SATB2: variants seen among roughly 807,000 people sequenced by gnomAD.
The protein encoded by SATB2 is DNA-binding protein SATB2.
In SATB2, 1 loss-of-function variant was observed where a neutral mutation model predicts 73.4. That is an observed-to-expected ratio of 0.01 (90% CI 0.00 to 0.06). The LOEUF (loss-of-function observed/expected upper bound fraction) is 0.06. Among genes scored for constraint, SATB2 ranks in the 10% least tolerant of loss-of-function variants. The pLI is 1.00. For missense variants in SATB2, 459 were observed against 945.8 expected (o/e 0.49, Z 6.75); for synonymous variants, 397 against 367.0 (o/e 1.08, Z -0.93).
At chr2:199,374,652 T>C (rs900425368) in intron 5 of SATB2, among the ~76,000 whole-genome samples, 5 of 152,216 alleles carry the variant, frequency 3.3e-5, no homozygotes, top group African/African-American at 1.2e-4. Flanking sequence ...TGCATGCACT[T>C]GCAAATTGTT....
intron 2 of SATB2, among the ~76,000 whole-genome samples, chr2:199,453,996 T>C (rs1251071983): frequency 6.6e-6 from 1 of 152,086 alleles, no homozygotes; most frequent in Non-Finnish European, 1.5e-5. Context: ...AGGCAGCTGG[T>C]TGAAACAAAT....
At chr2:199,300,522 T>C (rs569150728) in intron 10 of SATB2, among the ~76,000 whole-genome samples, 11 of 152,178 alleles carry the variant, frequency 7.2e-5, no homozygotes, top group African/African-American at 2.4e-4. Context: ...ATCTCAATAT[T>C]CTATTAAAAT....
chr2:199,295,626 A>G (rs904219908), intron 10 of SATB2, among the ~76,000 whole-genome samples: 2 of 152,192 alleles, frequency 1.3e-5, no homozygotes, highest in African/African-American at 4.8e-5. Flanking sequence ...CTCCTCTGAC[A>G]AGCCACATAC....
rs115941317 is a variant in SATB2, at chr2:199,307,785, G to C, written c.1740+975C>G. Among the ~76,000 whole-genome samples, 368 of 152,248 alleles carry C rather than the reference G, an allele frequency of 2.4e-3. 5 individuals carry two copies. Among genetic ancestry groups the C allele is most frequent in the African/African-American group, 8.4e-3 (351 of 41,546 alleles). Reference sequence around the variant, plus strand: ...GAAAGGAGACAGAAACCTCAGGTTGGGGTGTTTCACTGCATCCCTCACCAC... The same window carrying C: ...GAAAGGAGACAGAAACCTCAGGTTGCGGTGTTTCACTGCATCCCTCACCAC... On this transcript the variant is annotated intron_variant, in intron 10 of 10. Transcript: ENST00000417098.
intron 3 of SATB2, among the ~76,000 whole-genome samples, chr2:199,417,827 C>T (rs984155117): frequency 6.6e-6 from 1 of 152,000 alleles, no homozygotes; most frequent in Non-Finnish European, 1.5e-5. Context: ...AACAACTTAT[C>T]CACAAAAAAG....
chr2:199,434,838 T>C (rs1480272834), intron 2 of SATB2, among the ~76,000 whole-genome samples: 1 of 152,164 alleles, frequency 6.6e-6, no homozygotes, highest in African/African-American at 2.4e-5. Flanking sequence ...TGGGAGCAGA[T>C]ACTCTGCAAA....
At chr2:199,357,511 A>G (rs1032784997) in intron 6 of SATB2, among the ~76,000 whole-genome samples, 4 of 152,148 alleles carry the variant, frequency 2.6e-5, no homozygotes, top group African/African-American at 9.7e-5. Context: ...AAACTCCATC[A>G]ATATATTTGC....
intron 9 of SATB2, among the ~76,000 whole-genome samples, chr2:199,315,951 G>A (rs927390380): frequency 2.6e-5 from 4 of 152,028 alleles, no homozygotes; most frequent in African/African-American, 7.3e-5. Context: ...AGTTCTTCAG[G>A]AGAATGACTC....
upstream of SATB2, chr2:199,459,729 C>G (rs1692427009): frequency 6.6e-6 from 1 of 152,670 alleles, no homozygotes; most frequent in Admixed American, 6.5e-5. The surrounding 1 kb of genome is among the most constrained non-coding windows in gnomAD (Gnocchi z 4.2). Flanking sequence ...GCCAGAGGGC[C>G]AAACTAAGTT....
intron 3 of SATB2, among the ~76,000 whole-genome samples, chr2:199,421,749 A>G (rs1237809736): frequency 1.3e-5 from 2 of 152,246 alleles, no homozygotes; most frequent in African/African-American, 4.8e-5. Flanking sequence ...ATGTCTTTAT[A>G]GCCTTCTTCC....
rs1692153901 is a variant in SATB2 at position 199,271,477 on chromosome 2, T to C, written c.*734A>G. 6.6e-6 allele frequency: 1 copy of C among 152,598 alleles called. No homozygotes were observed. The highest frequency in any genetic ancestry group is 6.6e-5 in the Admixed American group (1 of 15,254). 9.5% of individuals were successfully genotyped at this position (152,598 alleles called of 1,614,324 possible). Reference sequence around the variant, plus strand: ...CCTGATTGTTTTCACTTCACTTTTTTTTTTTTCGGCAGTGTCGTTTATTTT... The same window carrying C: ...CCTGATTGTTTTCACTTCACTTTTTCTTTTTTCGGCAGTGTCGTTTATTTT... On this transcript the variant is annotated 3_prime_UTR_variant, in exon 11 of 11. Coordinates refer to ENST00000417098, the MANE Select transcript of SATB2 (RefSeq NM_001172509.2).
upstream of SATB2, chr2:199,460,486 A>G (rs1453634933): frequency 6.6e-6 from 1 of 152,352 alleles, no homozygotes; most frequent in African/African-American, 2.4e-5. This position sits in a 1 kb window ranked among gnomAD's most constrained non-coding sequence, Gnocchi z 4.0. Flanking sequence ...CTCCGGATCA[A>G]TGTCCAGGAA....
intron 7 of SATB2, among the ~76,000 whole-genome samples, chr2:199,331,194 A>G (rs1688178788): frequency 7.1e-6 from 1 of 141,050 alleles, no homozygotes; most frequent in Admixed American, 7.7e-5. Context: ...TTTAAAACAC[A>G]GAGTGTTTTA....
intron 5 of SATB2, among the ~76,000 whole-genome samples, chr2:199,369,338 C>T (rs567976639): frequency 4.6e-5 from 7 of 152,274 alleles, no homozygotes; most frequent in African/African-American, 1.4e-4. Flanking sequence ...CTTCCTTGCT[C>T]TCATCCTCCT....
At chr2:199,321,750 AT>A (rs1687898522) in intron 9 of SATB2, among the ~76,000 whole-genome samples, 1 of 151,904 alleles carries the variant, frequency 6.6e-6, no homozygotes, top group African/African-American at 2.4e-5. Flanking sequence ...AATTAAATTC[AT>A]TTTGTTTGGC....
intron 7 of SATB2, among the ~76,000 whole-genome samples, chr2:199,338,959 A>C (rs1688423732): frequency 6.6e-6 from 1 of 151,214 alleles, no homozygotes; most frequent in Non-Finnish European, 1.5e-5. Context: ...AAGACAGACC[A>C]GTATGTCATC....
chr2:199,310,795 T>A (rs1173180308), intron 9 of SATB2, among the ~76,000 whole-genome samples: 2 of 152,178 alleles, frequency 1.3e-5, no homozygotes, highest in Non-Finnish European at 2.9e-5. Context: ...TACCCAGACC[T>A]TAAGGAAGAC....
intron 3 of SATB2, among the ~76,000 whole-genome samples, chr2:199,395,173 T>TA (rs1468388637): frequency 1.3e-5 from 2 of 152,140 alleles, no homozygotes; most frequent in East Asian, 3.9e-4. Context: ...GATGACACCT[T>TA]AGTGGGCCCC....
At chr2:199,462,855 AG>A (rs1335286467), upstream of SATB2, among the ~76,000 whole-genome samples, 3 of 145,618 alleles carry the variant, frequency 2.1e-5, no homozygotes, top group East Asian at 6.8e-4. This position sits in a 1 kb window ranked among gnomAD's most constrained non-coding sequence, Gnocchi z 5.9. Flanking sequence ...CAGAGGCCCG[AG>A]GGTCTGGGGC....
Sources: allele counts gnomAD v4.1 joint callset (sites outside exome capture counted in the v4.1 genomes callset), GRCh38; gene constraint gnomAD v4.1.1; non-coding constraint Gnocchi (gnomAD v3.1); transcripts MANE v1.5; gene names NCBI Gene and HGNC (gene_info 2026-07-23, HGNC 2026-07-21).